The following TSSK1B variants were observed in gnomAD, a reference collection of about 807,000 sequenced individuals.
TSSK1B encodes the protein testis-specific serine/threonine-protein kinase 1.
TSSK1B carries 2 observed loss-of-function variants against 4.0 expected under a neutral mutation model. That is an observed-to-expected ratio of 0.50 (90% CI 0.20 to 1.57). The LOEUF (loss-of-function observed/expected upper bound fraction) is 1.57, where lower values mean the gene tolerates loss of function less well. TSSK1B is among the 40% of genes most tolerant of loss of function. The pLI, the probability that TSSK1B is intolerant of heterozygous loss-of-function variation, is 0.22. For missense variants in TSSK1B, 488 were observed against 495.1 expected (o/e 0.99, Z 0.14); for synonymous variants, 198 against 200.7 (o/e 0.99, Z 0.11).
chr5:113,432,803 G>C lies in TSSK1B; in HGVS notation c.*933C>G, dbSNP rs1042652657. 1 of 152,186 alleles carries C rather than the reference G, an allele frequency of 6.6e-6. No homozygotes were observed. The highest frequency in any genetic ancestry group is 1.9e-4 in the East Asian group (1 of 5,204). The allele number at this position is 152,186 out of a possible 1,614,324, so 9.4% of individuals were successfully genotyped here. On this transcript the variant is annotated 3_prime_UTR_variant, in exon 1 of 1. Transcript: ENST00000390666. ...ATTTTCCTTTGTAAAATTTTCTTCT[G>C]GGGGTGCTGGGGAGTAAATTAGCTA... is the stretch of plus-strand genomic sequence containing the variant.
Position 113,434,116 on chromosome 5 carries a change from T to C in TSSK1B, c.724A>G (p.Thr242Ala), listed in dbSNP as rs760645008. 16 of 1,614,068 alleles carry C rather than the reference T, an allele frequency of 9.9e-6. No individual in the cohort carries two copies. In the Admixed American group the frequency reaches 1.3e-4, roughly 13 times the overall value. Residue 242 changes from threonine to alanine, a missense_variant, in exon 1 of 1, where the codon ACA (threonine) becomes GCA (alanine). Physicochemically the swap from Thr to Ala is moderately conservative, Grantham distance 58 (BLOSUM62 0). Coordinates refer to ENST00000390666, the MANE Select transcript of TSSK1B (RefSeq NM_032028.4). This position sits in a 1 kb window ranked among gnomAD's most constrained non-coding sequence, Gnocchi z 4.2. ...RVNFPRSKHLTGECKDLIYHM... is the reference protein window; with the variant it reads ...RVNFPRSKHLAGECKDLIYHM... ...TAGATGAGGTCCTTGCACTCGCCTG[T>C]CAGGTGCTTGGAGCGTGGGAAGTTG... is the stretch of plus-strand genomic sequence containing the variant.
In TSSK1B at chr5:113,432,818, T is replaced by C. The variant is rs962387346; in HGVS notation, c.*918A>G. 2 of 151,938 alleles carry C rather than the reference T, an allele frequency of 1.3e-5. No individual in the cohort carries two copies. The highest frequency in any genetic ancestry group is 6.6e-5 in the Admixed American group (1 of 15,260). 9.4% of individuals were successfully genotyped at this position (151,938 alleles called of 1,614,324 possible). A position where few individuals can be genotyped will look rare whatever the true frequency, so the allele number is the denominator to read the frequency against. On this transcript the variant is annotated 3_prime_UTR_variant, in exon 1 of 1. Transcript: ENST00000390666. ...ATTTTCTTCTGGGGGTGCTGGGGAG[T>C]AAATTAGCTACAAAATCAATTACAA...
Position 113,434,822 on chromosome 5 carries a change from G to T in TSSK1B, c.18C>A (p.Val6=), listed in dbSNP as rs927595303. Reference sequence around the variant, plus strand: ...CCAGGAGGTAGCCTCGTCGCTTGAGGACAGCAGCGTCATCCATGGTGCCAG... The same window carrying T: ...CCAGGAGGTAGCCTCGTCGCTTGAGTACAGCAGCGTCATCCATGGTGCCAG... MDDAA[V]LKRRGYLLGI... Residue 6 remains valine, a synonymous_variant, in exon 1 of 1, where the codon GTC becomes GTA. Coordinates refer to ENST00000390666, the MANE Select transcript of TSSK1B (RefSeq NM_032028.4). This position sits in a 1 kb window ranked among gnomAD's most constrained non-coding sequence, Gnocchi z 4.2. 1.9e-6 allele frequency: 3 copies of T among 1,609,810 alleles called. No homozygotes were observed. In the African/African-American group the frequency reaches 4.0e-5, roughly 22 times the overall value.
chr5:113,433,921 T>A lies in TSSK1B; in HGVS notation c.919A>T (p.Lys307Ter). 1.9e-6 allele frequency: 3 copies of A among 1,614,016 alleles called. No individual in the cohort carries two copies. In the East Asian group the frequency reaches 6.7e-5, roughly 36 times the overall value. ...LWTPEPGSDK[K>*]SATKLEPEGE... The stretch of plus-strand genomic sequence containing the variant: ...TCAGGCTCCAGCTTGGTGGCAGACT[T>A]CTTGTCAGAGCCAGGTTCGGGGGTC... The change falls in exon 1 of 1, where the codon AAG becomes TAG. Residue 307 changes from lysine to a stop codon, truncating the protein, a stop_gained. Coordinates refer to ENST00000390666, the MANE Select transcript of TSSK1B (RefSeq NM_032028.4). LOFTEE classifies it low-confidence loss of function (END_TRUNC).
rs747955728 is a variant in TSSK1B at position 113,434,692 on chromosome 5, C to T, written c.148G>A (p.Ala50Thr). ...GGAAGGAATTTCTCCAAGAAGTCTG[C>T]GGGGGCCTTCTTGCGGTCGATGATC... ...IKIIDRKKAP[A>T]DFLEKFLPRE... Residue 50 changes from alanine (A) to threonine (T), a missense_variant, in exon 1 of 1, where the codon GCA becomes ACA. By Grantham distance (58) the Ala-to-Thr change is moderately conservative. Transcript: ENST00000390666. The surrounding 1 kb of genome is among the most constrained non-coding windows in gnomAD (Gnocchi z 4.2). 2.2e-5 allele frequency: 35 copies of T among 1,613,884 alleles called. No individual in the cohort carries two copies. The highest frequency in any genetic ancestry group is 1.6e-4 in the East Asian group (7 of 44,896).
rs201968720 is a variant in TSSK1B, at chr5:113,434,189, G to A, written c.651C>T (p.Asp217=). 3.8e-5 allele frequency: 62 copies of A among 1,614,118 alleles called. No individual in the cohort carries two copies. In the East Asian group the frequency reaches 6.7e-4, roughly 17 times the overall value. ...YIMVCGSMPY[D]DSNIKKMLRI... is the part of the protein sequence containing the mutation. ...GCAGCATCTTCTTGATGTTGGAGTC[G>A]TCGTAGGGCATGGAGCCGCAGACCA... Residue 217 remains aspartate, a synonymous_variant, in exon 1 of 1, where the codon GAC becomes GAT. Coordinates refer to ENST00000390666, the MANE Select transcript of TSSK1B (RefSeq NM_032028.4). This position sits in a 1 kb window ranked among gnomAD's most constrained non-coding sequence, Gnocchi z 4.2.
Position 113,433,618 on chromosome 5 carries a change from G to A in TSSK1B, c.*118C>T, listed in dbSNP as rs2150412114. 2 of 1,266,366 alleles carry A rather than the reference G, an allele frequency of 1.6e-6. No homozygotes were observed. The highest frequency in any genetic ancestry group is 2.2e-6 in the Non-Finnish European group (2 of 929,368). The allele number at this position is 1,266,366 out of a possible 1,614,324, so 78.4% of individuals were successfully genotyped here. A position where few individuals can be genotyped will look rare whatever the true frequency, so the allele number is the denominator to read the frequency against. On this transcript the variant is annotated 3_prime_UTR_variant, in exon 1 of 1. Coordinates refer to ENST00000390666, the MANE Select transcript of TSSK1B (RefSeq NM_032028.4). ...CCAAGTTCAAGGGGAGAGAGAAGAA[G>A]CTGATGAAAATAGAGGCTCATCTGG...
rs748723080 is a variant in TSSK1B at position 113,434,669 on chromosome 5, A to T, written c.171T>A (p.Leu57=). 52 of 1,613,706 alleles carry T rather than the reference A, an allele frequency of 3.2e-5. No homozygotes were observed. The highest frequency in any genetic ancestry group is 2.8e-5 in the Non-Finnish European group (33 of 1,179,854). Residue 57 remains leucine (L), a synonymous_variant, in exon 1 of 1, where the codon CTT becomes CTA. Coordinates refer to ENST00000390666, the MANE Select transcript of TSSK1B (RefSeq NM_032028.4). The surrounding 1 kb of genome is among the most constrained non-coding windows in gnomAD (Gnocchi z 4.2). ...KAPADFLEKF[L]PREIEILAML... is the part of the protein sequence containing the mutation. ...TGGCCAGAATCTCAATTTCCCGGGGAAGGAATTTCTCCAAGAAGTCTGCGG... is the reference window on the plus strand; with the variant it reads ...TGGCCAGAATCTCAATTTCCCGGGGTAGGAATTTCTCCAAGAAGTCTGCGG...
In TSSK1B at chr5:113,433,191, G is replaced by A. The variant is rs867704028; in HGVS notation, c.*545C>T. 1.1e-5 allele frequency: 2 copies of A among 180,402 alleles called. No homozygotes were observed. Among genetic ancestry groups the A allele is most frequent in the South Asian group, 2.2e-4 (2 of 9,170 alleles). The allele number at this position is 180,402 out of a possible 1,614,324, so 11.2% of individuals were successfully genotyped here. Reference sequence around the variant, plus strand: ...TGGAGTCGGAGCCCCCGAGGCTGCCGCCGAGAGTGCCCGCGAGCCCGTGGC... The same window carrying A: ...TGGAGTCGGAGCCCCCGAGGCTGCCACCGAGAGTGCCCGCGAGCCCGTGGC... On this transcript the variant is annotated 3_prime_UTR_variant, in exon 1 of 1. Transcript: ENST00000390666.
In TSSK1B at chr5:113,433,569, G is replaced by T; in HGVS notation, c.*167C>A. 1 of 869,662 alleles carries T rather than the reference G, an allele frequency of 1.1e-6. No individual in the cohort carries two copies. The highest frequency in any genetic ancestry group is 1.7e-6 in the Non-Finnish European group (1 of 577,408). 53.9% of individuals were successfully genotyped at this position (869,662 alleles called of 1,614,324 possible). ...TGACTTTGGCCTCATCCACCTAGGG[G>T]CCACGGGAGAACCATGTGGGTTACC... On this transcript the variant is annotated 3_prime_UTR_variant, in exon 1 of 1. Coordinates refer to ENST00000390666, the MANE Select transcript of TSSK1B (RefSeq NM_032028.4).
At position 113,434,729 on chromosome 5, in the gene TSSK1B, A is replaced by G. The variant is rs1770794828; in HGVS notation, c.111T>C (p.Asn37=). ...KSAYSERLKF[N]VAIKIIDRKK... is the part of the protein sequence containing the mutation. ...TGCGGTCGATGATCTTGATCGCCAC[A>G]TTGAACTTCAGGCGCTCAGAGTAAG... The change falls in exon 1 of 1, where the codon AAT becomes AAC. Residue 37 remains asparagine, a synonymous_variant. Coordinates refer to ENST00000390666, the MANE Select transcript of TSSK1B (RefSeq NM_032028.4). The surrounding 1 kb of genome is among the most constrained non-coding windows in gnomAD (Gnocchi z 4.2). 6.2e-7 allele frequency: 1 copy of G among 1,614,114 alleles called. No homozygotes were observed. Among genetic ancestry groups the G allele is most frequent in the Non-Finnish European group, 8.5e-7 (1 of 1,179,984 alleles).
Position 113,433,394 on chromosome 5 carries a change from G to C in TSSK1B, c.*342C>G. 1 of 530,432 alleles carries C rather than the reference G, an allele frequency of 1.9e-6. No homozygotes were observed. The highest frequency in any genetic ancestry group is 1.7e-5 in the South Asian group (1 of 57,324). The allele number at this position is 530,432 out of a possible 1,614,324, so 32.9% of individuals were successfully genotyped here. ...ATAAATGGTGCCCAAGGTGGACAGC[G>C]GTGCCTTCCTGCTGCTCTTCCTGCT... On this transcript the variant is annotated 3_prime_UTR_variant, in exon 1 of 1. Transcript: ENST00000390666.
rs34696815 is a variant in TSSK1B, at chr5:113,433,978, C to A, written c.862G>T (p.Gly288Trp). The change falls in exon 1 of 1, where the codon GGG becomes TGG. Residue 288 changes from glycine (G) to tryptophan (W), a missense_variant. By Grantham distance (184) the Gly-to-Trp change is radical. Transcript: ENST00000390666. ...GSPSVAINKE[G>W]ESSRGTEPLW... ...GGTTCAGTTCCCCGGGAACTCTCCC[C>A]CTCCTTGTTGATGGCCACAGAGGGA... 6.8e-3 allele frequency: 11,022 copies of A among 1,614,006 alleles called. 64 individuals are homozygous for A. Among genetic ancestry groups the A allele is most frequent in the Non-Finnish European group, 8.3e-3 (9,783 of 1,179,880 alleles).
chr5:113,432,680 AT>A lies in TSSK1B; in HGVS notation c.*1055del, dbSNP rs1315966190. On this transcript the variant is annotated 3_prime_UTR_variant, in exon 1 of 1. Coordinates refer to ENST00000390666, the MANE Select transcript of TSSK1B (RefSeq NM_032028.4). ...AAATCAAAAGTTCATGCTTTTCACT[AT>A]TGTTACATTGTTTCCAGTATTAGCT... The A allele has an allele frequency of 2.0e-5, 3 of 152,208 alleles. No homozygotes were observed. Among genetic ancestry groups the A allele is most frequent in the African/African-American group, 7.2e-5 (3 of 41,466 alleles). 9.4% of individuals were successfully genotyped at this position (152,208 alleles called of 1,614,324 possible).
At position 113,434,528 on chromosome 5, in the gene TSSK1B, G is replaced by C; in HGVS notation, c.312C>G (p.Thr104=). The C allele has an allele frequency of 6.2e-7, 1 of 1,612,672 alleles. No homozygotes were observed. Residue 104 remains threonine (T), a synonymous_variant, in exon 1 of 1, where the codon ACC becomes ACG. Transcript: ENST00000390666. The surrounding 1 kb of genome is among the most constrained non-coding windows in gnomAD (Gnocchi z 4.2). ...VQGDLLELIK[T]RGALHEDEAR... The stretch of plus-strand genomic sequence containing the variant: ...CTTCGTCCTCATGCAGGGCTCCCCG[G>C]GTTTTGATTAACTCGAGGAGGTCGC...
At position 113,434,653 on chromosome 5, in the gene TSSK1B, T is replaced by A. The variant is rs1286026401; in HGVS notation, c.187A>T (p.Ile63Phe). ...LEKFLPREIE[I>F]LAMLNHCSII... Reference sequence around the variant, plus strand: ...GAGCAGTGGTTTAACATGGCCAGAATCTCAATTTCCCGGGGAAGGAATTTC... The same window carrying A: ...GAGCAGTGGTTTAACATGGCCAGAAACTCAATTTCCCGGGGAAGGAATTTC... Residue 63 changes from isoleucine to phenylalanine, a missense_variant, in exon 1 of 1, where the codon ATT becomes TTT. Ile to Phe is a conservative substitution (Grantham distance 21). Transcript: ENST00000390666. The surrounding 1 kb of genome is among the most constrained non-coding windows in gnomAD (Gnocchi z 4.2). 1 of 1,613,884 alleles carries A rather than the reference T, an allele frequency of 6.2e-7. No individual in the cohort carries two copies. The highest frequency in any genetic ancestry group is 1.3e-5 in the African/African-American group (1 of 74,988).
chr5:113,434,177 G>A lies in TSSK1B; in HGVS notation c.663C>T (p.Ile221=), dbSNP rs1363864617. 6.2e-7 allele frequency: 1 copy of A among 1,614,174 alleles called. No individual in the cohort carries two copies. ...CCTTCTGGATACGCAGCATCTTCTT[G>A]ATGTTGGAGTCGTCGTAGGGCATGG... The part of the protein sequence containing the change: ...CGSMPYDDSN[I]KKMLRIQKEH... Residue 221 remains isoleucine (I), a synonymous_variant, in exon 1 of 1, where the codon ATC becomes ATT. Coordinates refer to ENST00000390666, the MANE Select transcript of TSSK1B (RefSeq NM_032028.4). This position sits in a 1 kb window ranked among gnomAD's most constrained non-coding sequence, Gnocchi z 4.2.
Position 113,434,862 on chromosome 5 carries a change from T to A in TSSK1B, c.-23A>T. ...CATGGTGCCAGGAATGCCCAGTGCC[T>A]CTGAGGCTGCCCTCTACAGCCCCGA... On this transcript the variant is annotated 5_prime_UTR_variant, in exon 1 of 1. Transcript: ENST00000390666. This position sits in a 1 kb window ranked among gnomAD's most constrained non-coding sequence, Gnocchi z 4.2. The A allele has an allele frequency of 6.3e-7, 1 of 1,592,832 alleles. No homozygotes were observed. The highest frequency in any genetic ancestry group is 8.6e-7 in the Non-Finnish European group (1 of 1,167,652).
In TSSK1B at chr5:113,434,099, G is replaced by T; in HGVS notation, c.741C>A (p.Asp247Glu). 1 of 1,614,224 alleles carries T rather than the reference G, an allele frequency of 6.2e-7. No homozygotes were observed. Residue 247 changes from aspartate (D) to glutamate (E), a missense_variant, in exon 1 of 1, where the codon GAC becomes GAA. By Grantham distance (45) the Asp-to-Glu change is conservative. Coordinates refer to ENST00000390666, the MANE Select transcript of TSSK1B (RefSeq NM_032028.4). The surrounding 1 kb of genome is among the most constrained non-coding windows in gnomAD (Gnocchi z 4.2). ...RSKHLTGECK[D>E]LIYHMLQPDV... is the part of the protein sequence containing the mutation. ...CGGGCTGCAGCATGTGGTAGATGAG[G>T]TCCTTGCACTCGCCTGTCAGGTGCT... is the stretch of plus-strand genomic sequence containing the variant.
Sources: gnomAD v4.1 joint callset for allele counts on GRCh38, gnomAD v4.1.1 for gene constraint, Gnocchi (gnomAD v3.1) non-coding constraint, MANE v1.5 for transcripts, NCBI Gene and HGNC (gene_info 2026-07-23, HGNC 2026-07-21) for gene names.